The following LRRFIP1 variants were observed in gnomAD, a reference collection of about 807,000 sequenced individuals.
The protein encoded by LRRFIP1 is LRR binding FLII interacting protein 1.
Under a neutral mutation model 104.4 loss-of-function variants are expected in LRRFIP1, and 62 were observed. That is an observed-to-expected ratio of 0.59 (90% confidence interval 0.48 to 0.73). The LOEUF (loss-of-function observed/expected upper bound fraction) is 0.73, where lower values mean the gene tolerates loss of function less well. Among genes scored for constraint, LRRFIP1 ranks in the 30% least tolerant of loss-of-function variants. LRRFIP1 has a pLI of 0.00. For missense variants in LRRFIP1, 796 were observed against 824.5 expected, an observed-to-expected ratio of 0.97 and a Z score of 0.42; for synonymous variants, 300 against 299.0, an observed-to-expected ratio of 1.00 and a Z score of -0.03.
intron 1 of LRRFIP1, among the ~76,000 whole-genome samples, chr2:237,697,079 T>A (rs1218877671): frequency 6.6e-6 from 1 of 152,236 alleles, no homozygotes; most frequent in Non-Finnish European, 1.5e-5. Context: ...TGGAATGCAA[T>A]GGCACAATCT....
intron 1 of LRRFIP1, among the ~76,000 whole-genome samples, chr2:237,692,756 G>A (rs957166593): frequency 6.6e-6 from 1 of 152,248 alleles, no homozygotes; most frequent in South Asian, 2.1e-4. Context: ...CCACCTCCAA[G>A]GACGAAAAGG....
chr2:237,692,108 C>T, intron 1 of LRRFIP1: 4 of 493,166 alleles, frequency 8.1e-6, no homozygotes, highest in African/African-American at 1.6e-4. Context: ...GGGGACGGGG[C>T]GGGGCGTAGC....
intron 1 of LRRFIP1, among the ~76,000 whole-genome samples, chr2:237,669,664 C>T (rs7607559): frequency 0.036 from 5,514 of 152,212 alleles, 158 homozygotes; most frequent in Middle Eastern, 0.061. Flanking sequence ...GAGGCCGTCA[C>T]GGTTTGTTGA....
Position 237,649,223 on chromosome 2 carries a change from G to A in LRRFIP1, c.96+21483G>A, listed in dbSNP as rs560169364. 6.7e-6 allele frequency among the ~76,000 whole-genome samples: 1 copy of A among 148,920 alleles called. No individual in the cohort carries two copies. The highest frequency in any genetic ancestry group is 1.5e-5 in the Non-Finnish European group (1 of 67,144). On this transcript the variant is annotated intron_variant, in intron 1 of 23. Transcript: ENST00000308482. The surrounding 1 kb of genome is among the most constrained non-coding windows in gnomAD (Gnocchi z 4.1). ...AACAGCCCCTCCCTCCCCACCCACA[G>A]CTGTGCCCAGCTACGAACACTGTAG...
chr2:237,769,717 C>T (rs565955341), intron 19 of LRRFIP1: 6 of 521,912 alleles, frequency 1.1e-5, no homozygotes, highest in East Asian at 3.1e-5. Context: ...TGCATGCAGC[C>T]GGATGCTGCC....
intron 23 of LRRFIP1, among the ~76,000 whole-genome samples, chr2:237,777,808 A>C (rs2061217702): frequency 6.6e-6 from 1 of 151,716 alleles, no homozygotes; most frequent in South Asian, 2.1e-4. Context: ...CCCCTCTGGA[A>C]CTCTAATCAG....
chr2:237,666,179 C>T (rs902828635), intron 1 of LRRFIP1, among the ~76,000 whole-genome samples: 1 of 152,246 alleles, frequency 6.6e-6, no homozygotes, highest in Non-Finnish European at 1.5e-5. Flanking sequence ...ACACAGCACT[C>T]GGCACAGTGC....
intron 8 of LRRFIP1, among the ~76,000 whole-genome samples, chr2:237,733,214 G>A (rs1283516677): frequency 6.6e-6 from 1 of 152,202 alleles, no homozygotes; most frequent in Admixed American, 6.5e-5. Context: ...GTGTGTGCTA[G>A]GCAGGATTCT....
Position 237,717,270 on chromosome 2 carries a change from T to C in LRRFIP1, c.202-492T>C, listed in dbSNP as rs1166713444. Among the ~76,000 whole-genome samples, 2 of 152,234 alleles carry C rather than the reference T, an allele frequency of 1.3e-5. No homozygotes were observed. The highest frequency in any genetic ancestry group is 2.4e-5 in the African/African-American group (1 of 41,460). ...AATTCTCACAGGCCTAGACTCAGCA[T>C]AGACATCAGGCAGCTAGAACAAGCG... is the stretch of plus-strand genomic sequence containing the variant. On this transcript the variant is annotated intron_variant, in intron 3 of 23. Transcript: ENST00000308482. This position sits in a 1 kb window ranked among gnomAD's most constrained non-coding sequence, Gnocchi z 4.2.
chr2:237,700,657 G>A (rs910734964), intron 1 of LRRFIP1, among the ~76,000 whole-genome samples: 9 of 152,178 alleles, frequency 5.9e-5, no homozygotes, highest in African/African-American at 1.9e-4. Flanking sequence ...TGACATCTGA[G>A]GAGAGCTGCT....
intron 1 of LRRFIP1, among the ~76,000 whole-genome samples, chr2:237,697,569 C>G (rs2093273535): frequency 6.6e-6 from 1 of 152,108 alleles, no homozygotes; most frequent in South Asian, 2.1e-4. Context: ...ATAGCTGGTT[C>G]CAGGGAATAT....
At chr2:237,709,512 A>T (rs1217654061) in intron 2 of LRRFIP1, among the ~76,000 whole-genome samples, 1 of 152,258 alleles carries the variant, frequency 6.6e-6, no homozygotes, top group East Asian at 1.9e-4. Flanking sequence ...AGCCAAATTT[A>T]AAAAGGCGAG....
At position 237,760,157 on chromosome 2, in the gene LRRFIP1, A is replaced by T. The variant is rs1409269555; in HGVS notation, c.1411A>T (p.Thr471Ser). ...NVGYQGPTKM[T>S]KEELNALKST... ...TGGATACCAAGGTCCTACCAAGATG[A>T]CAAAAGAAGAGTTAAATGCCCTCAA... Residue 471 changes from threonine to serine, a missense_variant, in exon 19 of 24, where the codon ACA becomes TCA. Physicochemically the swap from Thr to Ser is moderately conservative, Grantham distance 58. Coordinates refer to ENST00000308482, the MANE Select transcript of LRRFIP1 (RefSeq NM_001137550.2). 5.0e-6 allele frequency: 8 copies of T among 1,614,022 alleles called. No individual in the cohort carries two copies. The highest frequency in any genetic ancestry group is 4.0e-5 in the African/African-American group (3 of 74,916).
intron 10 of LRRFIP1, among the ~76,000 whole-genome samples, chr2:237,737,097 T>G (rs1363569010): frequency 6.6e-6 from 1 of 152,180 alleles, no homozygotes; most frequent in Non-Finnish European, 1.5e-5. Flanking sequence ...TGTGGAGGAT[T>G]TGCCCTGCCC....
chr2:237,735,492 CAAAT>C lies in LRRFIP1; in HGVS notation c.555+162_555+165del. The C allele has an allele frequency of 6.5e-6, 4 of 619,594 alleles. No homozygotes were observed. The highest frequency in any genetic ancestry group is 8.2e-6 in the Non-Finnish European group (3 of 365,500). The allele number at this position is 619,594 out of a possible 1,614,324, so 38.4% of individuals were successfully genotyped here. ...CCACCTTCCATTGTAATGAAGGTCA[CAAAT>C]AATGTGAATCAGGAAACCTCTGGTT... On this transcript the variant is annotated intron_variant, in intron 10 of 23. Transcript: ENST00000308482. This position sits in a 1 kb window ranked among gnomAD's most constrained non-coding sequence, Gnocchi z 4.6.
At chr2:237,718,812 T>G (rs1028927507) in intron 4 of LRRFIP1, among the ~76,000 whole-genome samples, 6 of 152,236 alleles carry the variant, frequency 3.9e-5, no homozygotes, top group Non-Finnish European at 7.3e-5. Context: ...CTTACTGTAT[T>G]GAAAATATGA....
In LRRFIP1 at chr2:237,779,802, G is replaced by A. The variant is rs144565050; in HGVS notation, c.*270G>A. On this transcript the variant is annotated 3_prime_UTR_variant, in exon 24 of 24. Coordinates refer to ENST00000308482, the MANE Select transcript of LRRFIP1 (RefSeq NM_001137550.2). ...ATAAGCACACAGGGGCCTCGAGGGA[G>A]CTCTGTGTCTGACCGCACAGCAGCC... 634 of 285,378 alleles carry A rather than the reference G, an allele frequency of 2.2e-3. 5 individuals carry two copies. The highest frequency in any genetic ancestry group is 0.013 in the African/African-American group (600 of 46,082). The allele number at this position is 285,378 out of a possible 1,614,324, so 17.7% of individuals were successfully genotyped here.
chr2:237,760,287 C>T, intron 19 of LRRFIP1, 82 bp downstream of exon 19: 3 of 1,468,696 alleles, frequency 2.0e-6, no homozygotes, highest in Non-Finnish European at 2.8e-6. Context: ...GGGTTGGAGC[C>T]ACCGTCGCTG....
intron 1 of LRRFIP1, among the ~76,000 whole-genome samples, chr2:237,633,593 C>T (rs1051925212): frequency 9.9e-5 from 15 of 151,822 alleles, no homozygotes; most frequent in South Asian, 2.1e-4. Context: ...GAGTGTGAGA[C>T]GGGAAAGGAG....
Sources: gnomAD v4.1 joint callset for allele counts (sites outside exome capture counted in the v4.1 genomes callset) on GRCh38, gnomAD v4.1.1 for gene constraint, Gnocchi (gnomAD v3.1) non-coding constraint, MANE v1.5 for transcripts, NCBI Gene and HGNC (gene_info 2026-07-23, HGNC 2026-07-21) for gene names.